The following COBL variants were observed in gnomAD, a reference collection of about 807,000 sequenced individuals.
COBL encodes protein cordon-bleu.
Under a neutral mutation model 98.8 loss-of-function variants are expected in COBL, and 51 were observed. The ratio of observed to expected loss-of-function variants is 0.52; its 90% CI spans 0.41 to 0.65. The LOEUF is 0.65. Ranked by LOEUF, COBL falls within the 30% of genes least tolerant of loss-of-function variation. The probability of loss-of-function intolerance (pLI) is 0.00; values close to 1 mark genes in which losing one functional copy is unlikely to be tolerated. For synonymous variants in COBL, 634 were observed against 651.7 expected, an observed-to-expected ratio of 0.97 and a Z score of 0.41; for missense variants, 1,617 against 1,617.5, an observed-to-expected ratio of 1.00 and a Z score of 0.01.
rs17134127 is a variant in COBL at position 51,028,053 on chromosome 7, C to T, written c.3043G>A (p.Ala1015Thr). 1.8e-5 allele frequency: 29 copies of T among 1,610,096 alleles called. No individual in the cohort carries two copies. Among genetic ancestry groups the T allele is most frequent in the South Asian group, 6.7e-5 (6 of 90,068 alleles). ...GGGGGTGGGTCTGTACCATCAGGTG[C>T]GCGTCTGGGCTCAGATGCTGAGCTG... Reference protein sequence around the residue: ...EASSASEPRRAPDGTDPPPPH... With the variant: ...EASSASEPRRTPDGTDPPPPH... The change falls in exon 10 of 13, where the codon GCA (alanine) becomes ACA (threonine). Residue 1015 changes from alanine to threonine, a missense_variant. By Grantham distance (58) the Ala-to-Thr change is moderately conservative. Coordinates refer to ENST00000265136, the MANE Select transcript of COBL (RefSeq NM_015198.5).
chr7:51,222,224 G>T (rs1793723866), intron 1 of COBL, among the ~76,000 whole-genome samples: 1 of 148,302 alleles, frequency 6.7e-6, no homozygotes, highest in Non-Finnish European at 1.5e-5. Context: ...ATAACATTCA[G>T]ATCTCATCCT....
chr7:51,296,511 G>A (rs879523306), intron 1 of COBL, among the ~76,000 whole-genome samples: 1 of 151,972 alleles, frequency 6.6e-6, no homozygotes, highest in Non-Finnish European at 1.5e-5. Flanking sequence ...GTTAACTTGT[G>A]TAAAGTTATT....
At chr7:51,093,415 C>G (rs972590099) in intron 6 of COBL, among the ~76,000 whole-genome samples, 1 of 152,128 alleles carries the variant, frequency 6.6e-6, no homozygotes, top group Non-Finnish European at 1.5e-5. Flanking sequence ...TAAATTAGTA[C>G]AGCCATTTTG....
At chr7:51,098,321 A>T (rs1795498883) in intron 6 of COBL, among the ~76,000 whole-genome samples, 1 of 151,260 alleles carries the variant, frequency 6.6e-6, no homozygotes, top group South Asian at 2.1e-4. Context: ...AGGGGAAGAA[A>T]ACAATAAAAC....
chr7:51,128,986 C>G (rs1464032122), intron 6 of COBL, among the ~76,000 whole-genome samples: 1 of 152,244 alleles, frequency 6.6e-6, no homozygotes, highest in African/African-American at 2.4e-5. Flanking sequence ...GGCCCATTTA[C>G]AACTCTTTTT....
At chr7:51,070,156 T>C (rs1792376696) in intron 7 of COBL, among the ~76,000 whole-genome samples, 2 of 152,206 alleles carry the variant, frequency 1.3e-5, no homozygotes, top group South Asian at 4.1e-4. Flanking sequence ...AAGGGAGTTA[T>C]TCGGCAAAAG....
chr7:51,220,765 G>A (rs750055457), intron 1 of COBL, among the ~76,000 whole-genome samples: 22 of 152,160 alleles, frequency 1.4e-4, no homozygotes, highest in Non-Finnish European at 2.8e-4. Context: ...CCCAACAGGC[G>A]GTTTTTCAAT....
At chr7:51,257,236 C>T (rs1266795062) in intron 1 of COBL, among the ~76,000 whole-genome samples, 4 of 152,152 alleles carry the variant, frequency 2.6e-5, no homozygotes, top group East Asian at 1.9e-4. Flanking sequence ...TCCCCAACAA[C>T]GTGCCAAAAA....
rs577397842 is a variant in COBL, at chr7:51,187,911, T to C, written c.685+2939A>G. 7.3e-6 allele frequency: 9 copies of C among 1,232,446 alleles called. No homozygotes were observed. In the South Asian group the frequency reaches 2.9e-4, roughly 39 times the overall value. The allele number at this position is 1,232,446 out of a possible 1,614,324, so 76.3% of individuals were successfully genotyped here. A position where few individuals can be genotyped will look rare whatever the true frequency, so the allele number is the denominator to read the frequency against. Reference sequence around the variant, plus strand: ...GGAGCGGGAAGCCCCAGGTTCACTGTACCTTGACAGCTCAGGGAAGGCTCG... The same window carrying C: ...GGAGCGGGAAGCCCCAGGTTCACTGCACCTTGACAGCTCAGGGAAGGCTCG... On this transcript the variant is annotated intron_variant, in intron 4 of 12. Transcript: ENST00000265136.
chr7:51,031,077 GGT>G, intron 8 of COBL, 168 bp from the exon 9 acceptor site: 2 of 614,618 alleles, frequency 3.3e-6, no homozygotes, highest in Non-Finnish European at 5.8e-6. Context: ...ATTGTTCATG[GGT>G]GTGTGTGTCC....
chr7:51,123,214 T>C (rs1448319216), intron 6 of COBL, among the ~76,000 whole-genome samples: 1 of 152,202 alleles, frequency 6.6e-6, no homozygotes, highest in African/African-American at 2.4e-5. Flanking sequence ...TGAGCAAAAC[T>C]GACAGATATA....
rs570729484 is a variant in COBL at position 51,059,565 on chromosome 7, G to C, written c.1097-15873C>G. ...TGGGAGAGAACAGGGAGAAGGGGGG[G>C]CCTGAAACACATGGGTTTCTAGGAG... On this transcript the variant is annotated intron_variant, in intron 7 of 12. Coordinates refer to ENST00000265136, the MANE Select transcript of COBL (RefSeq NM_015198.5). 1.2e-4 allele frequency among the ~76,000 whole-genome samples: 17 copies of C among 144,120 alleles called. 1 individual carries two copies. Among genetic ancestry groups the C allele is most frequent in the African/African-American group, 3.1e-4 (12 of 39,286 alleles). The allele number at this position is 144,120 out of a possible 152,430, so 94.5% of individuals were successfully genotyped here. A position where few individuals can be genotyped will look rare whatever the true frequency, so the allele number is the denominator to read the frequency against.
At chr7:51,083,145 A>C in intron 7 of COBL, 7 of 477,088 alleles carry the variant, frequency 1.5e-5, no homozygotes, top group Non-Finnish European at 1.5e-5. Flanking sequence ...GGAGGAGGGT[A>C]GGGCGGGGGT....
At chr7:51,185,216 C>T (rs1789376893) in intron 4 of COBL, among the ~76,000 whole-genome samples, 1 of 152,204 alleles carries the variant, frequency 6.6e-6, no homozygotes, top group Non-Finnish European at 1.5e-5. Flanking sequence ...GAACCTGCAG[C>T]ATCAGCATCG....
chr7:51,034,788 T>A (rs1788472219), intron 8 of COBL: 1 of 152,232 alleles, frequency 6.6e-6, no homozygotes, highest in African/African-American at 2.4e-5. Context: ...CCGGGCTTCC[T>A]TCCCCCCCAC....
intron 2 of COBL, among the ~76,000 whole-genome samples, chr7:51,196,709 T>TA (rs1790630008): frequency 6.6e-6 from 1 of 152,142 alleles, no homozygotes; most frequent in South Asian, 2.1e-4. Context: ...CAGATCTTGT[T>TA]ACTGGTCTGT....
chr7:51,310,592 CAA>C (rs994544622), intron 1 of COBL, among the ~76,000 whole-genome samples: 7 of 152,142 alleles, frequency 4.6e-5, no homozygotes, highest in African/African-American at 1.7e-4. Flanking sequence ...ACCTGGAAGA[CAA>C]GAGATGGGAT....
intron 7 of COBL, among the ~76,000 whole-genome samples, chr7:51,060,826 G>A (rs994049327): frequency 6.6e-6 from 1 of 152,258 alleles, no homozygotes; most frequent in South Asian, 2.1e-4. Flanking sequence ...GGCTCCTCAG[G>A]CTTTTGAGTC....
intron 2 of COBL, among the ~76,000 whole-genome samples, chr7:51,197,110 T>C (rs1790667648): frequency 1.3e-5 from 2 of 152,164 alleles, no homozygotes. Flanking sequence ...CTTTCAATTG[T>C]AGTGTTAGGT....
Sources: allele counts gnomAD v4.1 joint callset (sites outside exome capture counted in the v4.1 genomes callset), GRCh38; gene constraint gnomAD v4.1.1; transcripts MANE v1.5; gene names NCBI Gene and HGNC (gene_info 2026-07-23, HGNC 2026-07-21).